Variants in MSH6 observed in about 807,000 individuals in gnomAD.
MSH6 encodes DNA mismatch repair protein Msh6.
In MSH6, 85 loss-of-function variants were observed where a neutral mutation model predicts 119.1. That is an observed-to-expected ratio of 0.71 (90% CI 0.60 to 0.85). MSH6 has a LOEUF of 0.85. Ranked by LOEUF, MSH6 falls within the 40% of genes least tolerant of loss-of-function variation. MSH6 has a pLI of 0.00. For missense variants in MSH6, 2,163 were observed against 1,655.3 expected, an observed-to-expected ratio of 1.31 and a Z score of -5.32; for synonymous variants, 830 against 586.9, an observed-to-expected ratio of 1.41 and a Z score of -5.99.
At chr2:47,793,149 C>A (rs1360857657) in intron 2 of MSH6, among the ~76,000 whole-genome samples, 1 of 150,830 alleles carries the variant, frequency 6.6e-6, no homozygotes. Flanking sequence ...GGTGAAATCC[C>A]GTCTCTACTA....
rs972387746 is a variant in MSH6 at position 47,806,353 on chromosome 2, C to T, written c.3796C>T (p.His1266Tyr). Residue 1266 changes from histidine to tyrosine, a missense_variant, in exon 8 of 10, where the codon CAT becomes TAT. His to Tyr is a moderately conservative substitution (Grantham distance 83). Coordinates refer to ENST00000234420, the MANE Select transcript of MSH6 (RefSeq NM_000179.3). Reference protein sequence around the residue: ...YSQNVAVRLGHMACMVENECE... With the variant: ...YSQNVAVRLGYMACMVENECE... ...TCAAAATGTTGCTGTGCGCCTAGGA[C>T]ATATGGTATGTGCAAATTGTTTTTT... 9.9e-6 allele frequency: 16 copies of T among 1,614,090 alleles called. No homozygotes were observed. Among genetic ancestry groups the T allele is most frequent in the East Asian group, 2.2e-5 (1 of 44,874 alleles).
downstream of MSH6, chr2:47,809,651 T>G: frequency 6.2e-7 from 1 of 1,613,662 alleles, no homozygotes; most frequent in Non-Finnish European, 8.5e-7. Flanking sequence ...CCAAACCGGT[T>G]GTTAAAAATC....
intron 1 of MSH6, 150 bp downstream of exon 1, chr2:47,783,643 T>A: frequency 1.3e-6 from 1 of 755,722 alleles, no homozygotes; most frequent in Non-Finnish European, 2.0e-6. Context: ...CTTGAATGAG[T>A]GCAGGGGTCG....
At position 47,799,483 on chromosome 2, in the gene MSH6, A is replaced by G; in HGVS notation, c.1500A>G (p.Ala500=). The change falls in exon 4 of 10, where the codon GCA becomes GCG. Residue 500 remains alanine (A), a synonymous_variant. Transcript: ENST00000234420. ...TGGAGGCACGATGTAGAAAGATGGC[A>G]CATATATCCAAGTATGATAGAGTGG... ...EMMEARCRKM[A]HISKYDRVVR... 6.2e-7 allele frequency: 1 copy of G among 1,614,190 alleles called. No individual in the cohort carries two copies. The highest frequency in any genetic ancestry group is 8.5e-7 in the Non-Finnish European group (1 of 1,180,034).
chr2:47,806,428 TCGC>T, intron 8 of MSH6, 21 bp from the exon 9 acceptor site: 1 of 1,613,900 alleles, frequency 6.2e-7, no homozygotes, highest in South Asian at 1.1e-5. Flanking sequence ...AGCACATGTA[TCGC>T]TAATATTTTT....
downstream of MSH6, chr2:47,808,679 C>G (rs17036969): frequency 3.9e-3 from 1,521 of 386,988 alleles, 20 homozygotes; most frequent in African/African-American, 0.027. Context: ...AAAAGCCTCT[C>G]AAATGTTTCT....
chr2:47,792,345 C>A (rs1183838016), intron 2 of MSH6, among the ~76,000 whole-genome samples: 1 of 152,120 alleles, frequency 6.6e-6, no homozygotes, highest in Non-Finnish European at 1.5e-5. Context: ...GAATCACACT[C>A]TTTCGTCATA....
At chr2:47,801,361 G>GTTTTTTTCTTTT (rs1669577474) in intron 4 of MSH6, 2 of 84,408 alleles carry the variant, frequency 2.4e-5, no homozygotes, top group East Asian at 4.0e-4. Context: ...CCTTTCTTCA[G>GTTTTTTTCTTTT]TTTTTTTTTT....
downstream of MSH6, chr2:47,808,665 C>A: frequency 2.5e-6 from 1 of 403,550 alleles, no homozygotes; most frequent in Non-Finnish European, 4.4e-6. Flanking sequence ...GTTCTTTCCA[C>A]TTTAAAAGCC....
chr2:47,805,593 C>A (rs1558390501), intron 6 of MSH6, 25 bp from the exon 7 acceptor site: 8 of 1,432,730 alleles, frequency 5.6e-6, no homozygotes, highest in South Asian at 1.1e-5. Context: ...AATGAGTATT[C>A]ATTTGTGATT....
At chr2:47,791,175 TGAGA>T (rs374618432) in intron 2 of MSH6, 52 bp downstream of exon 2, 3 of 1,369,674 alleles carry the variant, frequency 2.2e-6, no homozygotes, top group African/African-American at 1.4e-5. Context: ...TGTGTGTGTG[TGAGA>T]GAAACAGACA....
chr2:47,784,238 G>T (rs1178669549), intron 1 of MSH6: 1 of 1,000,888 alleles, frequency 1.0e-6, no homozygotes, highest in South Asian at 4.7e-5. Flanking sequence ...TGGGTCCTTC[G>T]GTAGGTAGGC....
rs143517321 is a variant in MSH6 at position 47,799,898 on chromosome 2, G to A, written c.1915G>A (p.Glu639Lys). ...DASKTLRTLL[E>K]EEYFREKLSD... ...ATCCAAAACTTTGAGAACTCTCCTT[G>A]AGGAAGAATATTTTAGGGAAAAGCT... The change falls in exon 4 of 10, where the codon GAG becomes AAG. Residue 639 changes from glutamate (E) to lysine (K), a missense_variant. Physicochemically the swap from Glu to Lys is moderately conservative, Grantham distance 56. Transcript: ENST00000234420. The A allele has an allele frequency of 3.0e-5, 49 of 1,614,078 alleles. No individual in the cohort carries two copies. Among genetic ancestry groups the A allele is most frequent in the Non-Finnish European group, 4.0e-5 (47 of 1,180,050 alleles).
Position 47,795,939 on chromosome 2 carries a change from C to G in MSH6, c.503C>G (p.Ala168Gly), listed in dbSNP as rs774162322. The G allele has an allele frequency of 6.8e-6, 11 of 1,613,944 alleles. No individual in the cohort carries two copies. Among genetic ancestry groups the G allele is most frequent in the Non-Finnish European group, 9.3e-6 (11 of 1,179,994 alleles). ...CAGAAGGGAGGTCATTTTTACAGTG[C>G]AAAGCCTGAAATACTGAGAGCAATG... ...EAQKGGHFYS[A>G]KPEILRAMQR... The change falls in exon 3 of 10, where the codon GCA becomes GGA. Residue 168 changes from alanine to glycine, a missense_variant. Transcript: ENST00000234420.
chr2:47,791,916 AGCTCACT>A (rs1668753451), intron 2 of MSH6, among the ~76,000 whole-genome samples: 1 of 151,664 alleles, frequency 6.6e-6, no homozygotes. Flanking sequence ...GCGCAATCTC[AGCTCACT>A]GCAACCGCCA....
At chr2:47,794,801 T>C (rs1449782498) in intron 2 of MSH6, among the ~76,000 whole-genome samples, 5 of 151,422 alleles carry the variant, frequency 3.3e-5, no homozygotes, top group African/African-American at 1.2e-4. Context: ...CTGAAGTGTT[T>C]GTTTGTTTTT....
intron 1 of MSH6, among the ~76,000 whole-genome samples, chr2:47,786,799 G>A (rs1178155248): frequency 6.6e-6 from 1 of 151,614 alleles, no homozygotes; most frequent in African/African-American, 2.4e-5. Flanking sequence ...TTTAGTTTAT[G>A]GCTTTGTTGT....
chr2:47,805,441 G>C (rs1251683417), intron 6 of MSH6, among the ~76,000 whole-genome samples, 177 bp from the exon 7 acceptor site: 1 of 152,078 alleles, frequency 6.6e-6, no homozygotes, highest in South Asian at 2.1e-4. Flanking sequence ...GCCTCCCAAA[G>C]TGCTGGGATT....
rs587782102 is a variant in MSH6 at position 47,798,990 on chromosome 2, C to T, written c.1007C>T (p.Thr336Ile). ...ATSISSETKN[T>I]LRAFSAPQNS... ...AGCATTTCATCAGAAACCAAGAATACTTTGAGAGCTTTCTCTGCCCCTCAA... is the reference window on the plus strand; with the variant it reads ...AGCATTTCATCAGAAACCAAGAATATTTTGAGAGCTTTCTCTGCCCCTCAA... The change falls in exon 4 of 10, where the codon ACT (threonine) becomes ATT (isoleucine). Residue 336 changes from threonine to isoleucine, a missense_variant. Transcript: ENST00000234420. 6.2e-7 allele frequency: 1 copy of T among 1,614,228 alleles called. No individual in the cohort carries two copies. Among genetic ancestry groups the T allele is most frequent in the East Asian group, 2.2e-5 (1 of 44,888 alleles).
Sources: allele counts gnomAD v4.1 joint callset (sites outside exome capture counted in the v4.1 genomes callset), GRCh38; gene constraint gnomAD v4.1.1; transcripts MANE v1.5; gene names NCBI Gene and HGNC (gene_info 2026-07-23, HGNC 2026-07-21).